The following UBE2K variants were observed in gnomAD, a reference collection of about 807,000 sequenced individuals.
UBE2K encodes ubiquitin-conjugating enzyme E2 K.
UBE2K carries 6 observed loss-of-function variants against 30.0 expected under a neutral mutation model. That is an observed-to-expected ratio of 0.20 (90% CI 0.11 to 0.39). The LOEUF is 0.39. UBE2K is among the 10% of genes least tolerant of loss of function. The probability of loss-of-function intolerance (pLI) is 1.00; values close to 1 mark genes in which losing one functional copy is unlikely to be tolerated. For missense variants in UBE2K, 61 were observed against 241.6 expected, an observed-to-expected ratio of 0.25 and a Z score of 4.96; for synonymous variants, 86 against 83.7, an observed-to-expected ratio of 1.03 and a Z score of -0.15.
chr4:39,748,488 A>C (rs1421764570), intron 3 of UBE2K, among the ~76,000 whole-genome samples: 1 of 152,110 alleles, frequency 6.6e-6, no homozygotes, highest in African/African-American at 2.4e-5. Flanking sequence ...TATTGAAGCC[A>C]CTGTTACCTG....
chr4:39,735,156 T>A (rs1306717206), intron 1 of UBE2K, among the ~76,000 whole-genome samples: 1 of 152,236 alleles, frequency 6.6e-6, no homozygotes, highest in Non-Finnish European at 1.5e-5. Flanking sequence ...GAAAGTTGGA[T>A]GCCTCCAATT....
At chr4:39,728,702 G>A (rs929507123) in intron 1 of UBE2K, among the ~76,000 whole-genome samples, 1 of 151,320 alleles carries the variant, frequency 6.6e-6, no homozygotes, top group African/African-American at 2.4e-5. Flanking sequence ...GCAGTTGTGC[G>A]ATCTCGGCTC....
At chr4:39,766,988 T>A (rs1339990487) in intron 4 of UBE2K, among the ~76,000 whole-genome samples, 1 of 152,096 alleles carries the variant, frequency 6.6e-6, no homozygotes, top group African/African-American at 2.4e-5. Flanking sequence ...TGACCTCAGG[T>A]GATCCACCTG....
At chr4:39,726,909 T>C (rs894288195) in intron 1 of UBE2K, among the ~76,000 whole-genome samples, 1 of 152,158 alleles carries the variant, frequency 6.6e-6, no homozygotes, top group Non-Finnish European at 1.5e-5. Flanking sequence ...TTCTAGATTA[T>C]TTTGAAACAA....
At chr4:39,764,655 G>T (rs1328460116) in intron 4 of UBE2K, among the ~76,000 whole-genome samples, 1 of 151,840 alleles carries the variant, frequency 6.6e-6, no homozygotes, top group African/African-American at 2.4e-5. Flanking sequence ...CATGCTGGCT[G>T]GTACTCAAGC....
intron 4 of UBE2K, among the ~76,000 whole-genome samples, chr4:39,773,393 G>C (rs912834350): frequency 1.1e-4 from 17 of 151,986 alleles, no homozygotes; most frequent in African/African-American, 3.9e-4. Context: ...GCTTGAACCA[G>C]GGAGGTGGAG....
intron 3 of UBE2K, among the ~76,000 whole-genome samples, chr4:39,754,028 CAA>C (rs908497451): frequency 4.7e-5 from 7 of 150,182 alleles, no homozygotes; most frequent in Admixed American, 2.7e-4. Flanking sequence ...GACTCCTTCT[CAA>C]AAAAAAAGAG....
At chr4:39,738,707 T>A (rs1369618716) in intron 2 of UBE2K, among the ~76,000 whole-genome samples, 1 of 152,112 alleles carries the variant, frequency 6.6e-6, no homozygotes. Flanking sequence ...TGAGACTGAG[T>A]CTCTCTGTCA....
chr4:39,780,128 C>T lies in UBE2K; in HGVS notation c.*1694C>T, dbSNP rs929917239. On this transcript the variant is annotated 3_prime_UTR_variant, in exon 7 of 7. Transcript: ENST00000261427. Reference sequence around the variant, plus strand: ...TGTTTTTTCCCCATATGTTTGCTTACGCATGTCTTTATACAATCACCTCTT... The same window carrying T: ...TGTTTTTTCCCCATATGTTTGCTTATGCATGTCTTTATACAATCACCTCTT... The T allele has an allele frequency of 5.3e-5, 8 of 152,116 alleles. No homozygotes were observed. Among genetic ancestry groups the T allele is most frequent in the African/African-American group, 1.7e-4 (7 of 41,452 alleles). 9.4% of individuals were successfully genotyped at this position (152,116 alleles called of 1,614,324 possible). A position where few individuals can be genotyped will look rare whatever the true frequency, so the allele number is the denominator to read the frequency against.
chr4:39,756,988 G>GT (rs1404741717), intron 4 of UBE2K, among the ~76,000 whole-genome samples: 7 of 109,568 alleles, frequency 6.4e-5, no homozygotes, highest in Admixed American at 2.0e-4. Context: ...TTTAAGCTAT[G>GT]TTTTTTTGGG....
chr4:39,727,076 A>C (rs1719794282), intron 1 of UBE2K, among the ~76,000 whole-genome samples: 1 of 152,220 alleles, frequency 6.6e-6, no homozygotes, highest in Non-Finnish European at 1.5e-5. Flanking sequence ...ATATGTAATG[A>C]CACAGTACAT....
chr4:39,717,888 C>T (rs574562511), intron 1 of UBE2K, among the ~76,000 whole-genome samples: 40 of 143,232 alleles, frequency 2.8e-4, no homozygotes, highest in Non-Finnish European at 2.8e-4. Flanking sequence ...TAAGGCGGCG[C>T]GTCTGGAGTT....
At chr4:39,715,157 C>T (rs1289619237) in intron 1 of UBE2K, among the ~76,000 whole-genome samples, 1 of 151,668 alleles carries the variant, frequency 6.6e-6, no homozygotes, top group Non-Finnish European at 1.5e-5. Context: ...TCCCGAGTAG[C>T]TGGGACTACA....
At position 39,752,324 on chromosome 4, in the gene UBE2K, TCTTTTTTTTTC is replaced by T. The variant is rs1410922298; in HGVS notation, c.217-3332_217-3322del. ...CACGCCTGGCTAATTTTTTTTTTTT[TCTTTTTTTTTC>T]TTTTTTTTTTTTTTTTTTTGAGACG... On this transcript the variant is annotated intron_variant, in intron 3 of 6. Transcript: ENST00000261427. Among the ~76,000 whole-genome samples the T allele has an allele frequency of 7.8e-3, 827 of 106,646 alleles. 30 individuals are homozygous for T. Among genetic ancestry groups the T allele is most frequent in the African/African-American group, 0.025 (753 of 30,056 alleles). 70.0% of individuals were successfully genotyped at this position (106,646 alleles called of 152,430 possible). A position where few individuals can be genotyped will look rare whatever the true frequency, so the allele number is the denominator to read the frequency against.
At chr4:39,718,921 G>A (rs922852254) in intron 1 of UBE2K, among the ~76,000 whole-genome samples, 16 of 152,262 alleles carry the variant, frequency 1.1e-4, no homozygotes, top group African/African-American at 3.4e-4. Context: ...AGCTGGCTCC[G>A]GCCTCGGCCA....
At chr4:39,743,456 TAGTC>T (rs1720813077) in intron 2 of UBE2K, among the ~76,000 whole-genome samples, 1 of 152,008 alleles carries the variant, frequency 6.6e-6, no homozygotes, top group Non-Finnish European at 1.5e-5. Flanking sequence ...ACAAAAAAAT[TAGTC>T]GGGCGTGGTG....
chr4:39,724,255 G>T (rs904859763), intron 1 of UBE2K, among the ~76,000 whole-genome samples: 2 of 151,426 alleles, frequency 1.3e-5, no homozygotes, highest in African/African-American at 4.9e-5. Flanking sequence ...CTATAGGCAC[G>T]CACCACCACA....
intron 1 of UBE2K, chr4:39,714,544 A>ATTTTTTTTTTTTTTTT (rs1337587267): frequency 1.4e-4 from 3 of 21,086 alleles, no homozygotes; most frequent in Non-Finnish European, 2.1e-4. Flanking sequence ...ATATATATAT[A>ATTTTTTTTTTTTTTTT]TATATATTTT....
chr4:39,752,538 G>A (rs188844176), intron 3 of UBE2K, among the ~76,000 whole-genome samples: 1,774 of 151,878 alleles, frequency 0.012, 32 homozygotes, highest in African/African-American at 0.04. Context: ...GGGTTTCACC[G>A]TGTTAGCCAG....
Sources: gnomAD v4.1 joint callset for allele counts (sites outside exome capture counted in the v4.1 genomes callset) on GRCh38, gnomAD v4.1.1 for gene constraint, MANE v1.5 for transcripts, NCBI Gene and HGNC (gene_info 2026-07-23, HGNC 2026-07-21) for gene names.